The following MAMDC2 variants were observed in gnomAD, a reference collection of about 807,000 sequenced individuals.
MAMDC2 encodes MAM domain-containing protein 2.
Under a neutral mutation model 89.8 loss-of-function variants are expected in MAMDC2, and 57 were observed. The observed-to-expected ratio is 0.63, with a 90% CI of 0.51 to 0.79. The LOEUF (loss-of-function observed/expected upper bound fraction) is 0.79, where lower values mean the gene tolerates loss of function less well. Ranked by LOEUF, MAMDC2 falls within the 30% of genes least tolerant of loss-of-function variation. The pLI is 0.00. For synonymous variants in MAMDC2, 313 were observed against 293.4 expected, an observed-to-expected ratio of 1.07 and a Z score of -0.68; for missense variants, 800 against 820.6, an observed-to-expected ratio of 0.97 and a Z score of 0.31.
At chr9:70,068,586 G>T (rs1307828037) in intron 2 of MAMDC2, among the ~76,000 whole-genome samples, 1 of 151,964 alleles carries the variant, frequency 6.6e-6, no homozygotes, top group Non-Finnish European at 1.5e-5. Context: ...AATTAGCCGG[G>T]CGTGGTGGCA....
intron 9 of MAMDC2, among the ~76,000 whole-genome samples, chr9:70,144,214 A>G (rs903341524): frequency 1.3e-5 from 2 of 152,138 alleles, no homozygotes; most frequent in African/African-American, 4.8e-5. Flanking sequence ...CTAGTATTTT[A>G]AAAAGGTGAA....
intron 5 of MAMDC2, among the ~76,000 whole-genome samples, chr9:70,118,582 G>A (rs1323597652): frequency 2.6e-5 from 4 of 152,096 alleles, no homozygotes; most frequent in African/African-American, 2.4e-5. Flanking sequence ...TGATTTCCCC[G>A]GAGTTCTATC....
intron 5 of MAMDC2, among the ~76,000 whole-genome samples, chr9:70,122,538 T>C (rs978948263): frequency 1.3e-5 from 2 of 152,148 alleles, no homozygotes; most frequent in Non-Finnish European, 2.9e-5. Context: ...ATGAAGGCTC[T>C]GAGGAGAAAG....
rs778713726 is a variant in MAMDC2 at position 70,118,509 on chromosome 9, T to A, written c.643+5377T>A. ...CTTTAAAACAAAACAAAATAAACCCTCCAATGCTCTAAAAAGGAAAGAGGT... is the reference window on the plus strand; with the variant it reads ...CTTTAAAACAAAACAAAATAAACCCACCAATGCTCTAAAAAGGAAAGAGGT... On this transcript the variant is annotated intron_variant, in intron 5 of 13. Transcript: ENST00000377182. Among the ~76,000 whole-genome samples the A allele has an allele frequency of 2.0e-5, 3 of 152,136 alleles. No homozygotes were observed. In the South Asian group the frequency reaches 6.2e-4, roughly 31 times the overall value.
At chr9:70,159,411 A>C (rs1177017560) in intron 9 of MAMDC2, among the ~76,000 whole-genome samples, 1 of 152,134 alleles carries the variant, frequency 6.6e-6, no homozygotes, top group African/African-American at 2.4e-5. Context: ...GAGTTATGTA[A>C]GCTTTAAACT....
intron 9 of MAMDC2, among the ~76,000 whole-genome samples, chr9:70,159,642 G>A (rs191223062): frequency 9.2e-5 from 14 of 152,302 alleles, no homozygotes; most frequent in Admixed American, 9.2e-4. Flanking sequence ...CTTCCTTTTT[G>A]CTGTTTGTGG....
chr9:70,196,151 C>T (rs75296214), intron 11 of MAMDC2, among the ~76,000 whole-genome samples: 1 of 151,992 alleles, frequency 6.6e-6, no homozygotes, highest in Non-Finnish European at 1.5e-5. Context: ...TCACTACCAC[C>T]ATAACAGTAT....
At chr9:70,179,855 TA>T (rs2032597883) in intron 11 of MAMDC2, among the ~76,000 whole-genome samples, 1 of 137,722 alleles carries the variant, frequency 7.3e-6, no homozygotes, top group Non-Finnish European at 1.5e-5. Context: ...AAAAAAAGGA[TA>T]AATGGATAAA....
At chr9:70,044,988 G>C (rs1826711681) in intron 2 of MAMDC2, among the ~76,000 whole-genome samples, 1 of 152,198 alleles carries the variant, frequency 6.6e-6, no homozygotes, top group South Asian at 2.1e-4. Flanking sequence ...GCTAATGATT[G>C]TTCTCCGCTG....
chr9:70,138,186 C>T (rs2031075677), intron 7 of MAMDC2, among the ~76,000 whole-genome samples: 1 of 152,130 alleles, frequency 6.6e-6, no homozygotes. Flanking sequence ...ACTTGTTTCA[C>T]CTAAGATAAT....
chr9:70,157,183 T>C (rs2031790166), intron 9 of MAMDC2, among the ~76,000 whole-genome samples: 1 of 152,244 alleles, frequency 6.6e-6, no homozygotes, highest in African/African-American at 2.4e-5. Context: ...ATCTTGTGAA[T>C]ATTTCACAGC....
rs145961158 is a variant in MAMDC2, at chr9:70,100,578, G to A, written c.149-7633G>A. The stretch of plus-strand genomic sequence containing the variant: ...ACGTAGGCATTGCTGTCAGACCTGC[G>A]TCATCAGATTTCAGCCAGAATCACA... On this transcript the variant is annotated intron_variant, in intron 2 of 13. Coordinates refer to ENST00000377182, the MANE Select transcript of MAMDC2 (RefSeq NM_153267.5). Among the ~76,000 whole-genome samples the A allele has an allele frequency of 8.4e-4, 128 of 152,284 alleles. No individual in the cohort carries two copies. The East Asian group carries it at 0.021, about 25-fold the overall frequency.
Position 70,131,236 on chromosome 9 carries a change from A to G in MAMDC2, c.901-283A>G, listed in dbSNP as rs185307697. On this transcript the variant is annotated intron_variant, in intron 6 of 13. Coordinates refer to ENST00000377182, the MANE Select transcript of MAMDC2 (RefSeq NM_153267.5). Reference sequence around the variant, plus strand: ...ACCTAATCACCTCCCAAAAAGCCCCACCTTCTATTACCATTCCCTTAGGGG... The same window carrying G: ...ACCTAATCACCTCCCAAAAAGCCCCGCCTTCTATTACCATTCCCTTAGGGG... Among the ~76,000 whole-genome samples the G allele has an allele frequency of 8.3e-4, 127 of 152,174 alleles. 1 individual carries two copies. The highest frequency in any genetic ancestry group is 3.0e-3 in the African/African-American group (124 of 41,510).
At chr9:70,142,276 C>T (rs1434204848) in intron 8 of MAMDC2, among the ~76,000 whole-genome samples, 1 of 152,064 alleles carries the variant, frequency 6.6e-6, no homozygotes, top group African/African-American at 2.4e-5. Context: ...GAGCTGGTCA[C>T]ACCACAGAAT....
At chr9:70,079,725 A>T (rs1450952232) in intron 2 of MAMDC2, among the ~76,000 whole-genome samples, 1 of 152,146 alleles carries the variant, frequency 6.6e-6, no homozygotes, top group Non-Finnish European at 1.5e-5. Context: ...CAAACCAGAG[A>T]CCCAGCATGA....
At chr9:70,082,786 A>G (rs1350325066) in intron 2 of MAMDC2, 2 of 152,108 alleles carry the variant, frequency 1.3e-5, no homozygotes, top group Non-Finnish European at 2.9e-5. Context: ...GAAAAGTGTC[A>G]ATCATGGAAG....
At chr9:70,075,985 G>A (rs1191683022) in intron 2 of MAMDC2, among the ~76,000 whole-genome samples, 2 of 152,210 alleles carry the variant, frequency 1.3e-5, no homozygotes, top group Admixed American at 6.5e-5. Flanking sequence ...CCTCTCACCA[G>A]GAACAGTGTG....
chr9:70,059,287 C>T (rs971623649), intron 2 of MAMDC2, among the ~76,000 whole-genome samples: 2 of 152,108 alleles, frequency 1.3e-5, no homozygotes, highest in Admixed American at 6.5e-5. Flanking sequence ...CCATGGCATA[C>T]GAGCATGCGT....
chr9:70,097,965 T>C (rs1423537764), intron 2 of MAMDC2, among the ~76,000 whole-genome samples: 1 of 152,046 alleles, frequency 6.6e-6, no homozygotes, highest in Non-Finnish European at 1.5e-5. Flanking sequence ...TGAAAAGACA[T>C]ATGCCTTGCG....
Sources: allele counts gnomAD v4.1 joint callset (sites outside exome capture counted in the v4.1 genomes callset), GRCh38; gene constraint gnomAD v4.1.1; transcripts MANE v1.5; gene names NCBI Gene and HGNC (gene_info 2026-07-23, HGNC 2026-07-21).